TTC39B: variants seen among roughly 807,000 people sequenced by gnomAD.
TTC39B encodes tetratricopeptide repeat protein 39B.
Under a neutral mutation model 96.6 loss-of-function variants are expected in TTC39B, and 92 were observed. That is an observed-to-expected ratio of 0.95 (90% CI 0.80 to 1.13). The LOEUF is 1.13. Ranked by LOEUF, TTC39B falls within the 50% of genes most tolerant of loss-of-function variation. The pLI, the probability that TTC39B is intolerant of heterozygous loss-of-function variation, is 0.00. For missense variants in TTC39B, 955 were observed against 809.3 expected (o/e 1.18, Z -2.18); for synonymous variants, 367 against 299.4 (o/e 1.23, Z -2.33).
intron 1 of TTC39B, among the ~76,000 whole-genome samples, chr9:15,305,715 C>T (rs931451789): frequency 6.0e-5 from 9 of 150,334 alleles, no homozygotes; most frequent in African/African-American, 2.0e-4. Context: ...ATCTAGTAGG[C>T]AGTGAGCATA....
At chr9:15,220,459 C>T (rs1225394219) in intron 3 of TTC39B, among the ~76,000 whole-genome samples, 4 of 152,186 alleles carry the variant, frequency 2.6e-5, no homozygotes, top group Non-Finnish European at 5.9e-5. Flanking sequence ...TTTGTTTCCT[C>T]AGCTATGAAA....
chr9:15,282,429 G>C (rs561792522), intron 1 of TTC39B, among the ~76,000 whole-genome samples: 8 of 152,288 alleles, frequency 5.3e-5, no homozygotes, highest in African/African-American at 1.9e-4. Flanking sequence ...GATTAAATGG[G>C]TGCATACATT....
chr9:15,185,567 T>A (rs1818478398), intron 15 of TTC39B, 161 bp from the exon 16 acceptor site: 1 of 1,102,994 alleles, frequency 9.1e-7, no homozygotes, highest in African/African-American at 1.6e-5. Context: ...ACTCTAGACC[T>A]ACTGAATCAG....
At chr9:15,283,722 TC>T (rs1823854909) in intron 1 of TTC39B, among the ~76,000 whole-genome samples, 1 of 152,224 alleles carries the variant, frequency 6.6e-6, no homozygotes, top group African/African-American at 2.4e-5. Context: ...AGACAGGGAT[TC>T]CTGTGCATAT....
intron 9 of TTC39B, among the ~76,000 whole-genome samples, chr9:15,191,907 T>C (rs1009424418): frequency 6.6e-6 from 1 of 152,214 alleles, no homozygotes; most frequent in African/African-American, 2.4e-5. Flanking sequence ...TCTTTCTGAA[T>C]GGGCAGAAAA....
chr9:15,228,112 A>G (rs1270215744), intron 2 of TTC39B, among the ~76,000 whole-genome samples: 1 of 152,102 alleles, frequency 6.6e-6, no homozygotes, highest in Non-Finnish European at 1.5e-5. Flanking sequence ...CATATATAAC[A>G]CACTAGATAT....
chr9:15,233,824 G>A (rs956495191), intron 2 of TTC39B, among the ~76,000 whole-genome samples: 1 of 151,050 alleles, frequency 6.6e-6, no homozygotes, highest in Non-Finnish European at 1.5e-5. Context: ...CCCATCCTCT[G>A]GGATGTGAGG....
intron 2 of TTC39B, among the ~76,000 whole-genome samples, chr9:15,228,840 A>G (rs1375654429): frequency 6.6e-6 from 1 of 152,206 alleles, no homozygotes; most frequent in East Asian, 1.9e-4. Flanking sequence ...AACAGACTTG[A>G]CTTTAGCAGA....
At chr9:15,258,895 G>T (rs186808625) in intron 2 of TTC39B, among the ~76,000 whole-genome samples, 4 of 152,240 alleles carry the variant, frequency 2.6e-5, no homozygotes, top group South Asian at 4.2e-4. Context: ...ATAGTGAAAA[G>T]CAGCATTTAT....
intron 13 of TTC39B, among the ~76,000 whole-genome samples, 157 bp downstream of exon 13, chr9:15,189,417 G>C (rs1380335159): frequency 3.3e-5 from 5 of 151,184 alleles, no homozygotes; most frequent in African/African-American, 9.9e-5. Flanking sequence ...GTATATACAA[G>C]TTAAAAGTTT....
chr9:15,190,578 G>A (rs1461107563), exon 11 of TTC39B: 2 of 1,614,046 alleles, frequency 1.2e-6, no homozygotes, highest in South Asian at 1.1e-5. Flanking sequence ...ATGTAAGTAT[G>A]AAAAGCTAAG....
chr9:15,306,956 C>A lies in TTC39B; in HGVS notation c.240+128G>T. ...AGGCCGGGCGCCCCCACCCGGCGCCCGCCAGCCCACCCCAGAGAGGGGACC... is the reference window on the plus strand; with the variant it reads ...AGGCCGGGCGCCCCCACCCGGCGCCAGCCAGCCCACCCCAGAGAGGGGACC... On this transcript the variant is annotated intron_variant, in intron 1 of 19. Transcript: ENST00000512701. The surrounding 1 kb of genome is among the most constrained non-coding windows in gnomAD (Gnocchi z 5.1). 1 of 1,409,890 alleles carries A rather than the reference C, an allele frequency of 7.1e-7. No individual in the cohort carries two copies. Among genetic ancestry groups the A allele is most frequent in the African/African-American group, 1.5e-5 (1 of 67,856 alleles). 87.3% of individuals were successfully genotyped at this position (1,409,890 alleles called of 1,614,324 possible).
intron 2 of TTC39B, among the ~76,000 whole-genome samples, chr9:15,256,048 G>T (rs1822739401): frequency 6.6e-6 from 1 of 152,158 alleles, no homozygotes; most frequent in African/African-American, 2.4e-5. Flanking sequence ...AAATTCATAT[G>T]TTGAAACCTA....
At chr9:15,203,158 T>G (rs1287331122) in intron 7 of TTC39B, among the ~76,000 whole-genome samples, 1 of 152,236 alleles carries the variant, frequency 6.6e-6, no homozygotes, top group Non-Finnish European at 1.5e-5. Flanking sequence ...GTGCGGACTC[T>G]ACCAGTAGAA....
intron 2 of TTC39B, among the ~76,000 whole-genome samples, chr9:15,247,949 T>C (rs1187759228): frequency 3.3e-5 from 5 of 152,178 alleles, no homozygotes; most frequent in Non-Finnish European, 7.3e-5. Context: ...TTTAGCATGA[T>C]GGAGTTACAA....
intron 1 of TTC39B, among the ~76,000 whole-genome samples, chr9:15,284,609 G>A (rs796958373): frequency 5.3e-5 from 8 of 152,180 alleles, no homozygotes; most frequent in African/African-American, 1.9e-4. Context: ...AAAGGTGTAG[G>A]GTACAAAATC....
At chr9:15,273,179 A>T (rs1823418437) in intron 1 of TTC39B, among the ~76,000 whole-genome samples, 1 of 152,228 alleles carries the variant, frequency 6.6e-6, no homozygotes, top group Non-Finnish European at 1.5e-5. Flanking sequence ...AAGTGTTTAC[A>T]TTATTTTTAT....
At chr9:15,266,292 A>G (rs186190610) in intron 2 of TTC39B, among the ~76,000 whole-genome samples, 202 of 152,236 alleles carry the variant, frequency 1.3e-3, no homozygotes, top group African/African-American at 4.5e-3. Flanking sequence ...TGGACAAAAT[A>G]AAAATGTATA....
chr9:15,239,894 C>T (rs922403884), intron 2 of TTC39B, among the ~76,000 whole-genome samples: 1 of 152,148 alleles, frequency 6.6e-6, no homozygotes, highest in East Asian at 1.9e-4. Flanking sequence ...GCACATGTAC[C>T]TTCAAATCTA....
Sources: allele counts gnomAD v4.1 joint callset (sites outside exome capture counted in the v4.1 genomes callset), GRCh38; gene constraint gnomAD v4.1.1; non-coding constraint Gnocchi (gnomAD v3.1); transcripts MANE v1.5; gene names NCBI Gene and HGNC (gene_info 2026-07-23, HGNC 2026-07-21).